ADAMTS10: variants seen among roughly 807,000 people sequenced by gnomAD.
The protein encoded by ADAMTS10 is ADAM metallopeptidase with thrombospondin type 1 motif 10, also known as A disintegrin and metalloproteinase with thrombospondin motifs 10.
In ADAMTS10, 48 loss-of-function variants were observed where a neutral mutation model predicts 135.9. That is an observed-to-expected ratio of 0.35 (90% CI 0.28 to 0.45). ADAMTS10 has a LOEUF of 0.45. Among genes scored for constraint, ADAMTS10 ranks in the 20% least tolerant of loss-of-function variants. The pLI, the probability that ADAMTS10 is intolerant of heterozygous loss-of-function variation, is 1.00. For synonymous variants in ADAMTS10, 621 were observed against 647.5 expected (o/e 0.96, Z 0.62); for missense variants, 1,131 against 1,565.2 (o/e 0.72, Z 4.68).
intron 18 of ADAMTS10, among the ~76,000 whole-genome samples, chr19:8,587,332 C>CATTT (rs1568394348): frequency 2.2e-5 from 2 of 92,496 alleles, no homozygotes; most frequent in African/African-American, 7.5e-5. Flanking sequence ...AACTAAAAAA[C>CATTT]CTTTTTTTTT....
At chr19:8,588,476 T>G (rs2042470248) in intron 18 of ADAMTS10, among the ~76,000 whole-genome samples, 1 of 152,040 alleles carries the variant, frequency 6.6e-6, no homozygotes, top group African/African-American at 2.4e-5. Context: ...AACCTACTCC[T>G]GCCTCACCTG....
Position 8,589,455 on chromosome 19 carries a change from G to T in ADAMTS10, c.2031C>A (p.Cys677Ter). 6.5e-7 allele frequency: 1 copy of T among 1,530,300 alleles called. No individual in the cohort carries two copies. The highest frequency in any genetic ancestry group is 1.1e-5 in the South Asian group (1 of 89,734). 94.8% of individuals were successfully genotyped at this position (1,530,300 alleles called of 1,614,324 possible). A position where few individuals can be genotyped will look rare whatever the true frequency, so the allele number is the denominator to read the frequency against. The change falls in exon 17 of 26, where the codon TGC becomes TGA. Residue 677 changes from cysteine to a stop codon, truncating the protein, a stop_gained. Coordinates refer to ENST00000597188, the MANE Select transcript of ADAMTS10 (RefSeq NM_030957.4). LOFTEE classifies it high-confidence loss of function. ...DTVDICVSGE[C>*]KHVGCDRVLG... Reference sequence around the variant, plus strand: ...CCTCCCTGGGAGTCCCCTCCACCTTGCATTCGCCACTGACGCAAATGTCCA... The same window carrying T: ...CCTCCCTGGGAGTCCCCTCCACCTTTCATTCGCCACTGACGCAAATGTCCA...
chr19:8,596,325 G>A lies in ADAMTS10; in HGVS notation c.1172C>T (p.Ala391Val). ...DIGLATAFTI[A>V]HEIGHTFGMN... ...GCCTCACGTGTGCCCGATCTCGTGGGCAATGGTGAACGCTGTGGCCAGGCC... is the reference window on the plus strand; with the variant it reads ...GCCTCACGTGTGCCCGATCTCGTGGACAATGGTGAACGCTGTGGCCAGGCC... Residue 391 changes from alanine to valine, a missense_variant, in exon 10 of 26, where the codon GCC (alanine) becomes GTC (valine). Coordinates refer to ENST00000597188, the MANE Select transcript of ADAMTS10 (RefSeq NM_030957.4). The surrounding 1 kb of genome is among the most constrained non-coding windows in gnomAD (Gnocchi z 7.2). 6.2e-7 allele frequency: 1 copy of A among 1,612,810 alleles called. No homozygotes were observed. The highest frequency in any genetic ancestry group is 8.5e-7 in the Non-Finnish European group (1 of 1,179,854).
Position 8,605,716 on chromosome 19 carries a change from C to T in ADAMTS10, c.-6G>A. The T allele has an allele frequency of 6.2e-7, 1 of 1,603,874 alleles. No individual in the cohort carries two copies. The highest frequency in any genetic ancestry group is 8.5e-7 in the Non-Finnish European group (1 of 1,176,804). The stretch of plus-strand genomic sequence containing the variant: ...ATCTGGCAGGCGGGAGCCATAGAGG[C>T]CACGTGTCCACATGTCTCTCCCCAG... On this transcript the variant is annotated 5_prime_UTR_variant, in exon 3 of 26. Transcript: ENST00000597188. The surrounding 1 kb of genome is among the most constrained non-coding windows in gnomAD (Gnocchi z 7.7).
At position 8,591,436 on chromosome 19, in the gene ADAMTS10, G is replaced by GT. The variant is rs1374318007; in HGVS notation, c.1797+363dup. On this transcript the variant is annotated intron_variant, in intron 15 of 25. Coordinates refer to ENST00000597188, the MANE Select transcript of ADAMTS10 (RefSeq NM_030957.4). ...TGCCTGGATGAAGCACTCTGATAGC[G>GT]TTTTTGTTTTTTTTTTTTTTTTTGA... Among the ~76,000 whole-genome samples, 589 of 136,572 alleles carry GT rather than the reference G, an allele frequency of 4.3e-3. 2 individuals are homozygous for GT. The highest frequency in any genetic ancestry group is 6.5e-3 in the Non-Finnish European group (405 of 62,334). 89.6% of individuals were successfully genotyped at this position (136,572 alleles called of 152,430 possible). A position where few individuals can be genotyped will look rare whatever the true frequency, so the allele number is the denominator to read the frequency against.
intron 23 of ADAMTS10, 41 bp downstream of exon 23, chr19:8,585,415 C>A (rs957232017): frequency 3.3e-6 from 5 of 1,536,814 alleles, no homozygotes; most frequent in African/African-American, 2.7e-5. Flanking sequence ...GGACACCCCA[C>A]CTGGGCATCC....
intron 2 of ADAMTS10, among the ~76,000 whole-genome samples, chr19:8,607,198 A>G (rs2146107317): frequency 6.6e-6 from 1 of 152,230 alleles, no homozygotes; most frequent in South Asian, 2.1e-4. Context: ...ATTATCTGAA[A>G]TGGGTAGCAC....
chr19:8,598,722 C>G (rs2042632056), intron 6 of ADAMTS10, among the ~76,000 whole-genome samples: 1 of 151,590 alleles, frequency 6.6e-6, no homozygotes, highest in Admixed American at 6.6e-5. Context: ...CTACAGGTGC[C>G]CGCCACCACG....
At chr19:8,581,650 C>A (rs1600088794) in intron 25 of ADAMTS10, among the ~76,000 whole-genome samples, 1 of 152,010 alleles carries the variant, frequency 6.6e-6, no homozygotes, top group East Asian at 1.9e-4. Flanking sequence ...GCCTGGCCAA[C>A]GTGATCAAAC....
intron 13 of ADAMTS10, 73 bp from the exon 14 acceptor site, chr19:8,592,176 C>G (rs782508665): frequency 1.5e-5 from 23 of 1,574,226 alleles, no homozygotes; most frequent in Non-Finnish European, 2.0e-5. Flanking sequence ...CCGTTCCCCA[C>G]TCCAGGCCCC....
At chr19:8,598,340 A>C (rs1555740699) in intron 6 of ADAMTS10, among the ~76,000 whole-genome samples, 1 of 151,190 alleles carries the variant, frequency 6.6e-6, no homozygotes, top group Non-Finnish European at 1.5e-5. Flanking sequence ...TCCAGAGGCG[A>C]CCTGAGGGAT....
At chr19:8,582,598 G>C (rs573127862) in intron 25 of ADAMTS10, 1 of 152,272 alleles carries the variant, frequency 6.6e-6, no homozygotes, top group Non-Finnish European at 1.5e-5. Flanking sequence ...GACTATGGAT[G>C]GATATGAGCT....
rs1211772184 is a variant in ADAMTS10 at position 8,605,929 on chromosome 19, A to G, written c.-99-120T>C. 2 of 945,096 alleles carry G rather than the reference A, an allele frequency of 2.1e-6. No homozygotes were observed. The highest frequency in any genetic ancestry group is 1.7e-5 in the African/African-American group (1 of 60,066). 58.5% of individuals were successfully genotyped at this position (945,096 alleles called of 1,614,324 possible). ...CTGAAGATTCTGAATGCATTTTCTC[A>G]CTCAGTCACTCCCCTCTCCCCACCT... On this transcript the variant is annotated intron_variant, in intron 2 of 25. Coordinates refer to ENST00000597188, the MANE Select transcript of ADAMTS10 (RefSeq NM_030957.4). This position sits in a 1 kb window ranked among gnomAD's most constrained non-coding sequence, Gnocchi z 7.7.
chr19:8,592,780 G>A lies in ADAMTS10; in HGVS notation c.1570C>T (p.His524Tyr). ...PAAEGTLCQTHTIDKGWCYKR... is the reference protein window; with the variant it reads ...PAAEGTLCQTYTIDKGWCYKR... The stretch of plus-strand genomic sequence containing the variant: ...GCGCTCACCCCCTTGTCGATGGTGT[G>A]CGTCTGGCACAGCGTGCCCTCGGCG... Residue 524 changes from histidine (H) to tyrosine (Y), a missense_variant, in exon 13 of 26, where the codon CAC (histidine) becomes TAC (tyrosine). Coordinates refer to ENST00000597188, the MANE Select transcript of ADAMTS10 (RefSeq NM_030957.4). The A allele has an allele frequency of 3.7e-6, 6 of 1,612,434 alleles. No homozygotes were observed. The highest frequency in any genetic ancestry group is 5.1e-6 in the Non-Finnish European group (6 of 1,179,840).
chr19:8,607,318 G>A (rs1019716556), intron 2 of ADAMTS10, among the ~76,000 whole-genome samples: 3 of 152,088 alleles, frequency 2.0e-5, no homozygotes, highest in South Asian at 2.1e-4. Context: ...TCTGCACTGG[G>A]TAGCACTATT....
chr19:8,605,630 C>T lies in ADAMTS10; in HGVS notation c.81G>A (p.Arg27=), dbSNP rs782473836. ...GLMFEVTHAF[R]SQDEFLSSLE... ...CCACCAGACTTCCCCTACCTTGAGA[C>T]CGGAAGGCGTGCGTGACCTCGAACA... is the stretch of plus-strand genomic sequence containing the variant. Residue 27 remains arginine (R), a synonymous_variant, in exon 3 of 26, where the codon CGG becomes CGA. Transcript: ENST00000597188. This position sits in a 1 kb window ranked among gnomAD's most constrained non-coding sequence, Gnocchi z 7.7. 1 of 1,613,660 alleles carries T rather than the reference C, an allele frequency of 6.2e-7. No homozygotes were observed. Among genetic ancestry groups the T allele is most frequent in the South Asian group, 1.1e-5 (1 of 91,012 alleles).
chr19:8,605,431 C>T lies in ADAMTS10; in HGVS notation c.89-73G>A, dbSNP rs2042710954. On this transcript the variant is annotated intron_variant, in intron 3 of 25. Coordinates refer to ENST00000597188, the MANE Select transcript of ADAMTS10 (RefSeq NM_030957.4). The surrounding 1 kb of genome is among the most constrained non-coding windows in gnomAD (Gnocchi z 7.7). ...CCCCTGTGTCCTGGCTGTTAGGCTG[C>T]TGGAGCAAGTGATGCTGGCCTCACT... The T allele has an allele frequency of 6.6e-7, 1 of 1,505,740 alleles. No individual in the cohort carries two copies. Among genetic ancestry groups the T allele is most frequent in the Non-Finnish European group, 9.0e-7 (1 of 1,108,666 alleles). The allele number at this position is 1,505,740 out of a possible 1,614,324, so 93.3% of individuals were successfully genotyped here.
At chr19:8,585,102 C>A in intron 24 of ADAMTS10, 30 bp downstream of exon 24, 1 of 1,481,542 alleles carries the variant, frequency 6.7e-7, no homozygotes, top group Non-Finnish European at 8.9e-7. Flanking sequence ...CCTGCCCTGG[C>A]CCCCACCCCT....
In ADAMTS10 at chr19:8,601,058, C is replaced by T; in HGVS notation, c.680G>A (p.Gly227Asp). ...ARPLGNETER[G>D]QPGLKRSVSR... ...GACCGATCGCTTCAGGCCTGGCTGG[C>T]CACGCTCTGTTTCATTCCCCAGGGG... The change falls in exon 6 of 26, where the codon GGC becomes GAC. Residue 227 changes from glycine to aspartate, a missense_variant. By Grantham distance (94) the Gly-to-Asp change is moderately conservative (BLOSUM62 -1). Coordinates refer to ENST00000597188, the MANE Select transcript of ADAMTS10 (RefSeq NM_030957.4). The surrounding 1 kb of genome is among the most constrained non-coding windows in gnomAD (Gnocchi z 4.6). 5 of 1,614,146 alleles carry T rather than the reference C, an allele frequency of 3.1e-6. No homozygotes were observed. Among genetic ancestry groups the T allele is most frequent in the East Asian group, 2.2e-5 (1 of 44,890 alleles).
Sources: gnomAD v4.1 joint callset for allele counts (sites outside exome capture counted in the v4.1 genomes callset) on GRCh38, gnomAD v4.1.1 for gene constraint, Gnocchi (gnomAD v3.1) non-coding constraint, MANE v1.5 for transcripts, NCBI Gene and HGNC (gene_info 2026-07-23, HGNC 2026-07-21) for gene names.